DCAF10: variants seen among roughly 807,000 people sequenced by gnomAD.
DCAF10 encodes DDB1 and CUL4 associated factor 10, also known as DDB1- and CUL4-associated factor 10.
Under a neutral mutation model 51.9 loss-of-function variants are expected in DCAF10, and 19 were observed. The observed-to-expected ratio is 0.37, with a 90% CI of 0.26 to 0.54. The LOEUF (loss-of-function observed/expected upper bound fraction) is 0.54. DCAF10 is among the 20% of genes least tolerant of loss of function. The pLI is 0.87. For missense variants in DCAF10, 510 were observed against 730.6 expected, an observed-to-expected ratio of 0.70 and a Z score of 3.48; for synonymous variants, 291 against 297.1, an observed-to-expected ratio of 0.98 and a Z score of 0.21.
chr9:37,846,063 A>T (rs756673209), intron 3 of DCAF10, among the ~76,000 whole-genome samples: 76 of 151,486 alleles, frequency 5.0e-4, no homozygotes, highest in South Asian at 6.3e-4. Flanking sequence ...AGATAATATT[A>T]AAAAAAAAGA....
At position 37,850,870 on chromosome 9, in the gene DCAF10, A is replaced by G. The variant is rs1462182434; in HGVS notation, c.852-3910A>G. 6.9e-4 allele frequency among the ~76,000 whole-genome samples: 58 copies of G among 83,570 alleles called. No individual in the cohort carries two copies. The South Asian group carries it at 9.3e-3, about 13-fold the overall frequency. The allele number at this position is 83,570 out of a possible 152,430, so 54.8% of individuals were successfully genotyped here. On this transcript the variant is annotated intron_variant, in intron 3 of 6. Coordinates refer to ENST00000377724, the MANE Select transcript of DCAF10 (RefSeq NM_024345.5). ...TATATATATATATATATATATATATATATATATATATAAATTAGCTTGATT... is the reference window on the plus strand; with the variant it reads ...TATATATATATATATATATATATATGTATATATATATAAATTAGCTTGATT...
chr9:37,836,101 G>A lies in DCAF10; in HGVS notation c.654-5988G>A, dbSNP rs10119638. 11,822 of 1,231,068 alleles carry A rather than the reference G, an allele frequency of 9.6e-3. 838 individuals are homozygous for A. The African/African-American group carries it at 0.15, about 16-fold the overall frequency. The allele number at this position is 1,231,068 out of a possible 1,614,324, so 76.3% of individuals were successfully genotyped here. ...GCTGTGCTTGATGCTAAAGAACTTG[G>A]TATCTCTATTAAAGTACACGAACCT... On this transcript the variant is annotated intron_variant, in intron 2 of 6. Coordinates refer to ENST00000377724, the MANE Select transcript of DCAF10 (RefSeq NM_024345.5).
intron 2 of DCAF10, among the ~76,000 whole-genome samples, chr9:37,820,569 T>C (rs1240363493): frequency 6.6e-6 from 1 of 152,134 alleles, no homozygotes; most frequent in Non-Finnish European, 1.5e-5. Flanking sequence ...TCAATAGCTA[T>C]TGAATGAAGC....
intron 3 of DCAF10, among the ~76,000 whole-genome samples, chr9:37,852,962 A>ATATATATATATG (rs1830721688): frequency 1.1e-5 from 1 of 88,304 alleles, no homozygotes; most frequent in Non-Finnish European, 2.5e-5. Flanking sequence ...ATATATATAT[A>ATATATATATATG]TATAAATTAG....
chr9:37,857,368 A>AT lies in DCAF10; in HGVS notation c.1165+21dup, dbSNP rs1830881080. 2 of 1,559,580 alleles carry AT rather than the reference A, an allele frequency of 1.3e-6. No homozygotes were observed. The highest frequency in any genetic ancestry group is 2.8e-5 in the African/African-American group (2 of 72,634). On this transcript the variant is annotated intron_variant, in intron 5 of 6. Transcript: ENST00000377724. ...AAAGAGAAGGTAGGTTAAAAGTTGG[A>AT]TTTTATAATCTTGTAACAACAGATT...
rs1831079911 is a variant in DCAF10 at position 37,863,941 on chromosome 9, A to G, written c.*2433A>G. On this transcript the variant is annotated 3_prime_UTR_variant, in exon 7 of 7. Coordinates refer to ENST00000377724, the MANE Select transcript of DCAF10 (RefSeq NM_024345.5). ...TTTGTCACTGAGAAAATTATCACAA[A>G]GCACAGTAAATACATATACTTACCA... 6.6e-6 allele frequency: 1 copy of G among 152,206 alleles called. No individual in the cohort carries two copies. The highest frequency in any genetic ancestry group is 2.1e-4 in the South Asian group (1 of 4,830). 9.4% of individuals were successfully genotyped at this position (152,206 alleles called of 1,614,324 possible).
At chr9:37,836,105 C>G in intron 2 of DCAF10, 4 of 1,248,060 alleles carry the variant, frequency 3.2e-6, no homozygotes, top group Non-Finnish European at 4.7e-6. Flanking sequence ...AACTTGGTAT[C>G]TCTATTAAAG....
chr9:37,818,273 C>T (rs1313015682), intron 1 of DCAF10, among the ~76,000 whole-genome samples: 1 of 152,190 alleles, frequency 6.6e-6, no homozygotes, highest in Non-Finnish European at 1.5e-5. Flanking sequence ...GGATCACAGG[C>T]GTGGGCCACC....
Position 37,846,835 on chromosome 9 carries a change from T to C in DCAF10, c.851+4549T>C, listed in dbSNP as rs1027394120. On this transcript the variant is annotated intron_variant, in intron 3 of 6. Coordinates refer to ENST00000377724, the MANE Select transcript of DCAF10 (RefSeq NM_024345.5). ...TCACTGATTAATTCTACCAAATATT[T>C]ACATAGTAAATAATAACAGTCCTTC... Among the ~76,000 whole-genome samples the C allele has an allele frequency of 1.8e-4, 27 of 152,174 alleles. 1 individual carries two copies. The highest frequency in any genetic ancestry group is 6.5e-5 in the Admixed American group (1 of 15,272).
chr9:37,861,194 C>T lies in DCAF10; in HGVS notation c.1366C>T (p.Arg456Cys), dbSNP rs1309993123. ...EGAPVRPVSP[R>C]CSLRLTHYIE... ...AGCTCCAGTGCGACCTGTCTCACCT[C>T]GCTGTTCTCTACGACTGACTCATTA... Residue 456 changes from arginine to cysteine, a missense_variant, in exon 7 of 7, where the codon CGC (arginine) becomes TGC (cysteine). Arg to Cys is a radical substitution (Grantham distance 180). Coordinates refer to ENST00000377724, the MANE Select transcript of DCAF10 (RefSeq NM_024345.5). The surrounding 1 kb of genome is among the most constrained non-coding windows in gnomAD (Gnocchi z 4.9). 7 of 1,611,302 alleles carry T rather than the reference C, an allele frequency of 4.3e-6. No individual in the cohort carries two copies. Among genetic ancestry groups the T allele is most frequent in the Admixed American group, 3.3e-5 (2 of 59,982 alleles).
chr9:37,817,713 C>T (rs1829583908), intron 1 of DCAF10, among the ~76,000 whole-genome samples: 1 of 151,608 alleles, frequency 6.6e-6, no homozygotes, highest in Non-Finnish European at 1.5e-5. Flanking sequence ...CCAGCTTGAG[C>T]AACATAGTGT....
intron 1 of DCAF10, among the ~76,000 whole-genome samples, chr9:37,815,764 T>C (rs1476685822): frequency 1.3e-5 from 2 of 152,148 alleles, no homozygotes; most frequent in Non-Finnish European, 2.9e-5. Flanking sequence ...TATTTAAAAA[T>C]CAGTTACATT....
chr9:37,850,080 GTGGGCCAAATTTGGCCCA>G (rs1232675338), intron 3 of DCAF10, among the ~76,000 whole-genome samples: 1 of 152,092 alleles, frequency 6.6e-6, no homozygotes, highest in Non-Finnish European at 1.5e-5. Context: ...ATAGATAAAA[GTGGGCCAAATTTGGCCCA>G]TAGGCCAAAG....
chr9:37,811,204 C>T (rs1442675606), intron 1 of DCAF10, among the ~76,000 whole-genome samples: 2 of 151,856 alleles, frequency 1.3e-5, no homozygotes, highest in Admixed American at 6.6e-5. Flanking sequence ...AGGTGGTGTG[C>T]GCCTGCCATA....
chr9:37,807,029 CTTAG>C (rs1176021817), intron 1 of DCAF10, among the ~76,000 whole-genome samples: 5 of 152,130 alleles, frequency 3.3e-5, no homozygotes, highest in African/African-American at 9.7e-5. Context: ...ATTTTTGTGA[CTTAG>C]TTATTAATAT....
At position 37,801,566 on chromosome 9, in the gene DCAF10, G is replaced by A. The variant is rs1828947434; in HGVS notation, c.539+161G>A. On this transcript the variant is annotated intron_variant, in intron 1 of 6. Transcript: ENST00000377724. This position sits in a 1 kb window ranked among gnomAD's most constrained non-coding sequence, Gnocchi z 5.5. ...CTGGCACTTTCTGAAGCGCATTCTC[G>A]CCCTTGGAATCCCCAGCCCAGCTTT... is the stretch of plus-strand genomic sequence containing the variant. 2.2e-6 allele frequency: 2 copies of A among 926,590 alleles called. No homozygotes were observed. Among genetic ancestry groups the A allele is most frequent in the Non-Finnish European group, 1.5e-6 (1 of 685,248 alleles). 57.4% of individuals were successfully genotyped at this position (926,590 alleles called of 1,614,324 possible).
At chr9:37,838,077 A>C (rs1830226239) in intron 2 of DCAF10, among the ~76,000 whole-genome samples, 1 of 152,226 alleles carries the variant, frequency 6.6e-6, no homozygotes, top group Non-Finnish European at 1.5e-5. Flanking sequence ...ACCATATAAA[A>C]GATAGAAATA....
Position 37,865,061 on chromosome 9 carries a change from T to G in DCAF10, c.*3553T>G, listed in dbSNP as rs1047281419. 2 of 152,112 alleles carry G rather than the reference T, an allele frequency of 1.3e-5. No individual in the cohort carries two copies. Among genetic ancestry groups the G allele is most frequent in the African/African-American group, 4.8e-5 (2 of 41,418 alleles). The allele number at this position is 152,112 out of a possible 1,614,324, so 9.4% of individuals were successfully genotyped here. A position where few individuals can be genotyped will look rare whatever the true frequency, so the allele number is the denominator to read the frequency against. On this transcript the variant is annotated 3_prime_UTR_variant, in exon 7 of 7. Transcript: ENST00000377724. ...GTATGGTAAGCTGGCCTGTTATTTG[T>G]TTAGTATCTTCTGGATTTTTTTTTT...
chr9:37,811,551 G>A (rs1426948477), intron 1 of DCAF10, among the ~76,000 whole-genome samples: 1 of 151,926 alleles, frequency 6.6e-6, no homozygotes, highest in African/African-American at 2.4e-5. Flanking sequence ...AGAACTAGAA[G>A]CTAAAAAAAG....
Sources: gnomAD v4.1 joint callset for allele counts (sites outside exome capture counted in the v4.1 genomes callset) on GRCh38, gnomAD v4.1.1 for gene constraint, Gnocchi (gnomAD v3.1) non-coding constraint, MANE v1.5 for transcripts, NCBI Gene and HGNC (gene_info 2026-07-23, HGNC 2026-07-21) for gene names.